The following ELP1 variants were observed in gnomAD, a reference collection of about 807,000 sequenced individuals.
ELP1 encodes elongator complex protein 1.
In ELP1, 131 loss-of-function variants were observed where a neutral mutation model predicts 183.2. That is an observed-to-expected ratio of 0.72 (90% CI 0.62 to 0.83). The LOEUF is 0.83. Ranked by LOEUF, ELP1 falls within the 40% of genes least tolerant of loss-of-function variation. The probability of loss-of-function intolerance (pLI) is 0.00; values close to 1 mark genes in which losing one functional copy is unlikely to be tolerated. For synonymous variants in ELP1, 555 were observed against 569.0 expected, an observed-to-expected ratio of 0.98 and a Z score of 0.35; for missense variants, 1,550 against 1,594.9, an observed-to-expected ratio of 0.97 and a Z score of 0.48.
At chr9:108,870,676 T>C (rs570886651) in intron 36 of ELP1, among the ~76,000 whole-genome samples, 12 of 151,892 alleles carry the variant, frequency 7.9e-5, no homozygotes, top group Non-Finnish European at 1.3e-4. Flanking sequence ...TTTTTGCTTT[T>C]TCATTTCTCT....
intron 18 of ELP1, among the ~76,000 whole-genome samples, chr9:108,900,753 AACACAC>A (rs1352504409): frequency 6.6e-6 from 1 of 151,874 alleles, no homozygotes; most frequent in Non-Finnish European, 1.5e-5. Flanking sequence ...TAGAATAAGG[AACACAC>A]ACACACATAC....
intron 10 of ELP1, among the ~76,000 whole-genome samples, chr9:108,914,630 T>G (rs1367398847): frequency 2.0e-5 from 3 of 152,052 alleles, no homozygotes; most frequent in Non-Finnish European, 4.4e-5. Flanking sequence ...CTACACTTTT[T>G]TTTGTTTTGT....
chr9:108,907,988 TAAGAG>T (rs1239323574), intron 13 of ELP1, among the ~76,000 whole-genome samples: 2 of 152,192 alleles, frequency 1.3e-5, no homozygotes, highest in Non-Finnish European at 2.9e-5. Context: ...CCCATTTATG[TAAGAG>T]AATGCAGCTC....
intron 3 of ELP1, among the ~76,000 whole-genome samples, chr9:108,929,188 G>A (rs1004755203): frequency 2.0e-5 from 3 of 152,216 alleles, no homozygotes; most frequent in Non-Finnish European, 4.4e-5. Flanking sequence ...AAGATTTAAA[G>A]AATCAGCCAA....
At chr9:108,898,361 C>G (rs753313729) in intron 22 of ELP1, 141 bp downstream of exon 22, 104 of 631,406 alleles carry the variant, frequency 1.6e-4, no homozygotes, top group Non-Finnish European at 2.5e-4. Context: ...AGCAAAAAAC[C>G]AACTGGCATC....
At position 108,923,989 on chromosome 9, in the gene ELP1, C is replaced by T. The variant is rs1297258940; in HGVS notation, c.467-1062G>A. 1.6e-4 allele frequency among the ~76,000 whole-genome samples: 25 copies of T among 152,202 alleles called. 1 individual carries two copies. Among genetic ancestry groups the T allele is most frequent in the Admixed American group, 1.6e-3 (25 of 15,278 alleles). On this transcript the variant is annotated intron_variant, in intron 5 of 36. Transcript: ENST00000374647. ...GGTCCATATGACCATTTCCTGTCTG[C>T]TCACATCCAAGTGCTACAGTACCTC...
chr9:108,868,740 TCCG>T lies in ELP1; in HGVS notation c.*372_*374del, dbSNP rs1827325888. The T allele has an allele frequency of 1.8e-6, 1 of 553,636 alleles. No individual in the cohort carries two copies. Among genetic ancestry groups the T allele is most frequent in the Non-Finnish European group, 3.2e-6 (1 of 315,156 alleles). The allele number at this position is 553,636 out of a possible 1,614,324, so 34.3% of individuals were successfully genotyped here. A position where few individuals can be genotyped will look rare whatever the true frequency, so the allele number is the denominator to read the frequency against. ...AGCACTAATAGCCATTGTAATCTTC[TCCG>T]CCAACAAAATAAGACAATTTAGAAA... On this transcript the variant is annotated 3_prime_UTR_variant, in exon 37 of 37. Transcript: ENST00000374647.
Position 108,929,842 on chromosome 9 carries a change from A to G in ELP1, c.230T>C (p.Leu77Ser). Residue 77 changes from leucine to serine, a missense_variant, in exon 3 of 37, where the codon TTG becomes TCG. Coordinates refer to ENST00000374647, the MANE Select transcript of ELP1 (RefSeq NM_003640.5). ...GSGRIVGVQDLLDQESVCVAT... is the reference protein window; with the variant it reads ...GSGRIVGVQDSLDQESVCVAT... ...CACACACACAGACTCCTGATCCAGC[A>G]AGTCCTGAACACCAACAATGCGGCC... The G allele has an allele frequency of 6.2e-7, 1 of 1,614,028 alleles. No homozygotes were observed. Among genetic ancestry groups the G allele is most frequent in the Non-Finnish European group, 8.5e-7 (1 of 1,180,040 alleles).
In ELP1 at chr9:108,912,319, G is replaced by T; in HGVS notation, c.1134C>A (p.Asp378Glu). Residue 378 changes from aspartate to glutamate, a missense_variant, in exon 11 of 37, where the codon GAC becomes GAA. By Grantham distance (45) the Asp-to-Glu change is conservative (BLOSUM62 2). Transcript: ENST00000374647. ...CACTTGAATTATCTCCCACGCTCCG[G>T]TCAGTCGTCCAGTGCCAATCATAGG... ...YLAYDWHWTT[D>E]RSVGDNSSDL... The T allele has an allele frequency of 1.2e-6, 2 of 1,614,132 alleles. No homozygotes were observed. The highest frequency in any genetic ancestry group is 1.7e-6 in the Non-Finnish European group (2 of 1,180,028).
intron 35 of ELP1, among the ~76,000 whole-genome samples, chr9:108,876,097 G>A (rs555413579): frequency 1.3e-5 from 2 of 152,114 alleles, no homozygotes; most frequent in African/African-American, 4.8e-5. Flanking sequence ...ACAACTTGGT[G>A]ACACCCTGTC....
At chr9:108,889,439 C>T (rs1450911050) in intron 28 of ELP1, 46 bp from the exon 29 acceptor site, 1 of 1,547,086 alleles carries the variant, frequency 6.5e-7, no homozygotes, top group Non-Finnish European at 8.9e-7. Flanking sequence ...TAAACAGATA[C>T]TTTAGCTCAA....
rs1471265839 is a variant in ELP1 at position 108,874,970 on chromosome 9, C to A, written c.3856G>T (p.Val1286Phe). ...TTTGCAGTAGAATTGGGACCTAGAA[C>A]CTGAGGAGAAAATAGACTGTATCAG... Reference protein sequence around the residue: ...LTYQQNSATPVLGPNSTANSI... With the variant: ...LTYQQNSATPFLGPNSTANSI... The change falls in exon 36 of 37, where the codon GTT becomes TTT. Residue 1286 changes from valine to phenylalanine, a missense_variant and splice_region_variant. Val to Phe is a conservative substitution (Grantham distance 50, BLOSUM62 -1). Transcript: ENST00000374647. The A allele has an allele frequency of 6.2e-7, 1 of 1,603,422 alleles. No individual in the cohort carries two copies. Among genetic ancestry groups the A allele is most frequent in the Non-Finnish European group, 8.5e-7 (1 of 1,170,446 alleles).
At chr9:108,894,196 A>G (rs933153366) in intron 25 of ELP1, 130 bp from the exon 26 acceptor site, 3 of 518,170 alleles carry the variant, frequency 5.8e-6, no homozygotes, top group Middle Eastern at 5.3e-4. Context: ...TTAACTGCAT[A>G]TTATATAATA....
chr9:108,920,005 G>A (rs542360831), intron 6 of ELP1, among the ~76,000 whole-genome samples: 1 of 152,220 alleles, frequency 6.6e-6, no homozygotes, highest in Admixed American at 6.5e-5. Flanking sequence ...CTGCACAGTA[G>A]GGAATACATA....
Position 108,878,680 on chromosome 9 carries a change from C to A in ELP1, c.3643G>T (p.Asp1215Tyr). ...HSLKEGSPLE[D>Y]LALLEALSEV... The stretch of plus-strand genomic sequence containing the variant: ...CTCAGTGCCTCCAGGAGGGCCAGGT[C>A]CTCCAGCGGACTGCCTTCTTTGAGG... The change falls in exon 34 of 37, where the codon GAC becomes TAC. Residue 1215 changes from aspartate to tyrosine, a missense_variant. By Grantham distance (160) the Asp-to-Tyr change is radical (BLOSUM62 -3). Coordinates refer to ENST00000374647, the MANE Select transcript of ELP1 (RefSeq NM_003640.5). The A allele has an allele frequency of 6.2e-7, 1 of 1,614,212 alleles. No individual in the cohort carries two copies. The highest frequency in any genetic ancestry group is 1.1e-5 in the South Asian group (1 of 91,080).
At chr9:108,930,042 T>G in intron 2 of ELP1, 121 bp from the exon 3 acceptor site, 1 of 1,198,340 alleles carries the variant, frequency 8.3e-7, no homozygotes, top group Non-Finnish European at 1.2e-6. Context: ...AAATATTTTT[T>G]CTAGATGAAA....
intron 28 of ELP1, chr9:108,889,640 A>C: frequency 1.8e-6 from 1 of 555,340 alleles, no homozygotes; most frequent in East Asian, 3.2e-5. Flanking sequence ...ATATGGGAAA[A>C]TGACCTGGTA....
Position 108,874,933 on chromosome 9 carries a change from G to C in ELP1, c.3893C>G (p.Ala1298Gly). ...GPNSTANSIM[A>G]SYQQQKTSVP... Reference sequence around the variant, plus strand: ...CGAAGTCTTCTGTTGCTGATAAGATGCCATGATACTATTTGCAGTAGAATT... The same window carrying C: ...CGAAGTCTTCTGTTGCTGATAAGATCCCATGATACTATTTGCAGTAGAATT... The change falls in exon 36 of 37, where the codon GCA (alanine) becomes GGA (glycine). Residue 1298 changes from alanine to glycine, a missense_variant. Transcript: ENST00000374647. 1.9e-6 allele frequency: 3 copies of C among 1,612,678 alleles called. No homozygotes were observed. Among genetic ancestry groups the C allele is most frequent in the Non-Finnish European group, 2.5e-6 (3 of 1,178,802 alleles).
At chr9:108,911,975 G>A (rs1587908380) in intron 11 of ELP1, among the ~76,000 whole-genome samples, 1 of 152,090 alleles carries the variant, frequency 6.6e-6, no homozygotes, top group East Asian at 1.9e-4. Flanking sequence ...AGACTGTACT[G>A]TTGTCATCCT....
Sources: allele counts gnomAD v4.1 joint callset (sites outside exome capture counted in the v4.1 genomes callset), GRCh38; gene constraint gnomAD v4.1.1; transcripts MANE v1.5; gene names NCBI Gene and HGNC (gene_info 2026-07-23, HGNC 2026-07-21).